Variants in GDPD5 observed in about 807,000 individuals in gnomAD.
GDPD5 encodes glycerophosphodiester phosphodiesterase 2.
GDPD5 carries 48 observed loss-of-function variants against 75.1 expected under a neutral mutation model. That is an observed-to-expected ratio of 0.64 (90% CI 0.51 to 0.81). GDPD5 has a LOEUF of 0.81. Ranked by LOEUF, GDPD5 falls within the 40% of genes least tolerant of loss-of-function variation. The pLI, the probability that GDPD5 is intolerant of heterozygous loss-of-function variation, is 0.00. For synonymous variants in GDPD5, 336 were observed against 339.0 expected (o/e 0.99, Z 0.10); for missense variants, 706 against 822.6 (o/e 0.86, Z 1.73).
At chr11:75,503,197 T>C (rs543280630) in intron 1 of GDPD5, among the ~76,000 whole-genome samples, 2 of 152,200 alleles carry the variant, frequency 1.3e-5, no homozygotes, top group Non-Finnish European at 2.9e-5. Flanking sequence ...TTTTTGTATT[T>C]TTAATAGAGA....
chr11:75,439,753 T>C lies in GDPD5; in HGVS notation c.1556+126A>G, dbSNP rs557006222. The C allele has an allele frequency of 6.5e-6, 5 of 774,176 alleles. No individual in the cohort carries two copies. In the Admixed American group the frequency reaches 1.1e-4, roughly 17 times the overall value. The allele number at this position is 774,176 out of a possible 1,614,324, so 48.0% of individuals were successfully genotyped here. A position where few individuals can be genotyped will look rare whatever the true frequency, so the allele number is the denominator to read the frequency against. ...AGGATGGGGCCACCGGAGTCCGTCC[T>C]TCTTCCCTGGTCAGGCCTGCTCCTG... is the stretch of plus-strand genomic sequence containing the variant. On this transcript the variant is annotated intron_variant, in intron 15 of 16. Coordinates refer to ENST00000336898, the MANE Select transcript of GDPD5 (RefSeq NM_030792.8).
rs1262133360 is a variant in GDPD5 at position 75,477,765 on chromosome 11, C to T, written c.-30G>A. 2.0e-6 allele frequency: 3 copies of T among 1,474,458 alleles called. No homozygotes were observed. The highest frequency in any genetic ancestry group is 2.8e-6 in the Non-Finnish European group (3 of 1,085,732). The allele number at this position is 1,474,458 out of a possible 1,614,324, so 91.3% of individuals were successfully genotyped here. On this transcript the variant is annotated 5_prime_UTR_variant, in exon 3 of 17. Coordinates refer to ENST00000336898, the MANE Select transcript of GDPD5 (RefSeq NM_030792.8). ...GTGCCCACGGCCCTGGCGCCTGGCC[C>T]TCAGGCGCCCATGGAGGCCCCCAGC...
chr11:75,476,809 C>T (rs1949788404), intron 3 of GDPD5, among the ~76,000 whole-genome samples: 1 of 152,138 alleles, frequency 6.6e-6, no homozygotes, highest in African/African-American at 2.4e-5. Context: ...GGATAAGCTT[C>T]CCCGACCTCC....
At chr11:75,466,207 G>C (rs1330869507) in intron 3 of GDPD5, among the ~76,000 whole-genome samples, 3 of 152,202 alleles carry the variant, frequency 2.0e-5, no homozygotes, top group Admixed American at 2.0e-4. Context: ...GCTGGGGTTG[G>C]GGCAACCTAG....
chr11:75,495,851 C>T (rs893900705), intron 1 of GDPD5, among the ~76,000 whole-genome samples: 2 of 152,214 alleles, frequency 1.3e-5, no homozygotes, highest in African/African-American at 4.8e-5. Flanking sequence ...GCCTAGACCC[C>T]CTGTGCTGGT....
chr11:75,499,157 G>T (rs554602207), intron 1 of GDPD5, among the ~76,000 whole-genome samples: 15 of 152,132 alleles, frequency 9.9e-5, no homozygotes, highest in Admixed American at 3.3e-4. Context: ...CCATTTCAGA[G>T]ATGAGGAAAC....
Position 75,435,615 on chromosome 11 carries a change from TA to T in GDPD5, c.1709del (p.Val570AspfsTer31). The T allele has an allele frequency of 6.2e-7, 1 of 1,613,482 alleles. No individual in the cohort carries two copies. ...DGVEVSDVLSVCSDNSYDTYA... is the reference protein window; with the variant it reads ...DGVEVSDVLSXCSDNSYDTYA... ...ATGTGTCATAACTGTTGTCTGAACATACGGAGAGCACATCGGAGACCTCTAC... is the reference window on the plus strand; with the variant it reads ...ATGTGTCATAACTGTTGTCTGAACATCGGAGAGCACATCGGAGACCTCTAC... On this transcript the variant is annotated frameshift_variant, in exon 17 of 17. Coordinates refer to ENST00000336898, the MANE Select transcript of GDPD5 (RefSeq NM_030792.8). LOFTEE classifies it high-confidence loss of function.
At chr11:75,444,329 C>G (rs1397589238) in intron 10 of GDPD5, 84 bp downstream of exon 10, 1 of 990,942 alleles carries the variant, frequency 1.0e-6, no homozygotes, top group African/African-American at 1.6e-5. Flanking sequence ...GCTCTGAGAC[C>G]AGAGGTTCCC....
intron 16 of GDPD5, 134 bp from the exon 17 acceptor site, chr11:75,435,789 C>T: frequency 1.2e-6 from 1 of 844,436 alleles, no homozygotes; most frequent in Admixed American, 2.7e-5. Context: ...CTCAGGTCGA[C>T]ATTGAGCCTG....
chr11:75,513,825 C>T (rs1036106493), intron 1 of GDPD5, among the ~76,000 whole-genome samples: 3 of 152,210 alleles, frequency 2.0e-5, no homozygotes, highest in South Asian at 2.1e-4. Flanking sequence ...ACCAGGAGAC[C>T]ACCTGGCTAG....
intron 4 of GDPD5, among the ~76,000 whole-genome samples, chr11:75,459,550 C>T (rs184346235): frequency 2.4e-4 from 37 of 152,106 alleles, no homozygotes; most frequent in Middle Eastern, 3.4e-3. Flanking sequence ...CGGCTGGGCG[C>T]GGTGGCTCAC....
At chr11:75,459,414 C>T (rs553180748) in intron 4 of GDPD5, among the ~76,000 whole-genome samples, 19 of 151,712 alleles carry the variant, frequency 1.3e-4, no homozygotes, top group South Asian at 4.2e-4. Flanking sequence ...AGCAATCCTC[C>T]CATCTCAGCC....
intron 1 of GDPD5, chr11:75,490,648 G>C (rs1486353029): frequency 1.3e-5 from 2 of 152,370 alleles, no homozygotes; most frequent in Non-Finnish European, 2.9e-5. Flanking sequence ...CACGGATCCA[G>C]GATCCAAAGC....
chr11:75,453,510 C>T (rs1949216900), intron 6 of GDPD5, among the ~76,000 whole-genome samples: 1 of 151,552 alleles, frequency 6.6e-6, no homozygotes, highest in African/African-American at 2.4e-5. Context: ...CCCAGCTACT[C>T]GGGAGGCTGA....
intron 3 of GDPD5, 89 bp downstream of exon 3, chr11:75,477,530 A>G: frequency 2.7e-6 from 2 of 738,630 alleles, no homozygotes; most frequent in African/African-American, 1.8e-5. Context: ...AGAGCGAGTC[A>G]GCAGAGACAG....
chr11:75,499,414 T>TG (rs1282894764), intron 1 of GDPD5, among the ~76,000 whole-genome samples: 2 of 149,894 alleles, frequency 1.3e-5, no homozygotes, highest in African/African-American at 5.0e-5. Context: ...TTTTTTTTTT[T>TG]TTTAACTGGA....
intron 1 of GDPD5, among the ~76,000 whole-genome samples, chr11:75,511,385 G>A (rs907961309): frequency 6.6e-6 from 1 of 152,168 alleles, no homozygotes; most frequent in African/African-American, 2.4e-5. Flanking sequence ...GGAGTTGCAT[G>A]TTCAAATAAG....
Position 75,434,844 on chromosome 11 carries a change from C to T in GDPD5, c.*663G>A, listed in dbSNP as rs896322025. On this transcript the variant is annotated 3_prime_UTR_variant, in exon 17 of 17. Coordinates refer to ENST00000336898, the MANE Select transcript of GDPD5 (RefSeq NM_030792.8). ...CCCTTCTGCCTTGAGGTCTGCTGGA[C>T]ACCTGGGCATGGGATCCAGTAGTCC... 6.6e-6 allele frequency: 1 copy of T among 152,460 alleles called. No homozygotes were observed. The highest frequency in any genetic ancestry group is 2.4e-5 in the African/African-American group (1 of 41,454). The allele number at this position is 152,460 out of a possible 1,614,324, so 9.4% of individuals were successfully genotyped here.
At chr11:75,440,840 G>A (rs1323779488) in intron 14 of GDPD5, among the ~76,000 whole-genome samples, 1 of 152,200 alleles carries the variant, frequency 6.6e-6, no homozygotes, top group Non-Finnish European at 1.5e-5. Flanking sequence ...TTATAGGCGT[G>A]AGCCCCACGC....
Sources: gnomAD v4.1 joint callset for allele counts (sites outside exome capture counted in the v4.1 genomes callset) on GRCh38, gnomAD v4.1.1 for gene constraint, MANE v1.5 for transcripts, NCBI Gene and HGNC (gene_info 2026-07-23, HGNC 2026-07-21) for gene names.